CDC14A: variants seen among roughly 807,000 people sequenced by gnomAD.
CDC14A encodes the protein cell division cycle 14A.
Under a neutral mutation model 74.4 loss-of-function variants are expected in CDC14A, and 53 were observed. That is an observed-to-expected ratio of 0.71 (90% CI 0.57 to 0.89). CDC14A has a LOEUF of 0.89. CDC14A is among the 40% of genes least tolerant of loss of function. The pLI, the probability that CDC14A is intolerant of heterozygous loss-of-function variation, is 0.00. For missense variants in CDC14A, 646 were observed against 713.7 expected, an observed-to-expected ratio of 0.91 and a Z score of 1.08; for synonymous variants, 247 against 258.4, an observed-to-expected ratio of 0.96 and a Z score of 0.43.
At chr1:100,472,661 C>T (rs1194313111) in intron 10 of CDC14A, among the ~76,000 whole-genome samples, 2 of 150,134 alleles carry the variant, frequency 1.3e-5, no homozygotes, top group Non-Finnish European at 2.9e-5. Context: ...AATGATTTCT[C>T]ATATTTTTTT....
At chr1:100,350,653 T>C (rs1324080893), upstream of CDC14A, among the ~76,000 whole-genome samples, 1 of 151,536 alleles carries the variant, frequency 6.6e-6, no homozygotes, top group Non-Finnish European at 1.5e-5. Context: ...CTATTTACTT[T>C]GTGCAATTAA....
upstream of CDC14A, among the ~76,000 whole-genome samples, chr1:100,352,226 A>G (rs1339673303): frequency 1.3e-5 from 2 of 152,174 alleles, no homozygotes; most frequent in African/African-American, 4.8e-5. Context: ...TCTGGCCTAC[A>G]GGCCCCGCCC....
intron 10 of CDC14A, among the ~76,000 whole-genome samples, chr1:100,470,808 G>A (rs958629001): frequency 2.0e-5 from 3 of 152,096 alleles, no homozygotes; most frequent in Non-Finnish European, 4.4e-5. Flanking sequence ...CAAAATGCTG[G>A]CAAAGATATG....
intron 4 of CDC14A, among the ~76,000 whole-genome samples, chr1:100,420,666 T>A (rs1662256017): frequency 6.6e-6 from 1 of 152,142 alleles, no homozygotes. Flanking sequence ...TCAAATTGAT[T>A]TAAGTCAAAA....
intron 4 of CDC14A, among the ~76,000 whole-genome samples, chr1:100,415,382 A>G (rs576534485): frequency 6.6e-5 from 10 of 152,356 alleles, no homozygotes; most frequent in Admixed American, 2.6e-4. Flanking sequence ...AACAAAAAAC[A>G]TACTCATTTC....
intron 8 of CDC14A, among the ~76,000 whole-genome samples, chr1:100,457,773 T>C (rs1666872703): frequency 6.6e-6 from 1 of 152,078 alleles, no homozygotes; most frequent in Admixed American, 6.6e-5. Flanking sequence ...TGTTAATTTA[T>C]TTTTGGATGA....
At chr1:100,483,182 G>C (rs1309398373) in intron 10 of CDC14A, among the ~76,000 whole-genome samples, 1 of 152,006 alleles carries the variant, frequency 6.6e-6, no homozygotes, top group Non-Finnish European at 1.5e-5. Flanking sequence ...TTTCCACAAT[G>C]GTTGAACTAA....
intron 5 of CDC14A, among the ~76,000 whole-genome samples, chr1:100,436,651 C>A (rs1664379152): frequency 6.6e-6 from 1 of 152,088 alleles, no homozygotes; most frequent in African/African-American, 2.4e-5. Flanking sequence ...GTCTTGAACT[C>A]CTTACCTCAG....
intron 10 of CDC14A, among the ~76,000 whole-genome samples, chr1:100,469,100 T>C (rs1261301156): frequency 2.0e-5 from 3 of 152,108 alleles, no homozygotes; most frequent in Non-Finnish European, 4.4e-5. Flanking sequence ...CATATAATTA[T>C]TTATTTCCAA....
intron 5 of CDC14A, among the ~76,000 whole-genome samples, chr1:100,429,190 C>T (rs759645758): frequency 8.4e-4 from 30 of 35,712 alleles, no homozygotes; most frequent in Non-Finnish European, 9.5e-4. Context: ...GGCAACAGAA[C>T]AAGACTCCAT....
At chr1:100,498,902 C>T (rs753842231) in intron 14 of CDC14A, 27 bp from the exon 15 acceptor site, 5 of 1,582,864 alleles carry the variant, frequency 3.2e-6, no homozygotes, top group Admixed American at 1.8e-5. Flanking sequence ...TCTGTTTTTT[C>T]CCTCCTCACT....
intron 2 of CDC14A, among the ~76,000 whole-genome samples, chr1:100,360,108 A>AT (rs35028152): frequency 0.14 from 17,671 of 123,638 alleles, 1,511 homozygotes; most frequent in Non-Finnish European, 0.19. Context: ...ACACCCAGCT[A>AT]TTTTTTTTTT....
intron 4 of CDC14A, among the ~76,000 whole-genome samples, chr1:100,418,342 A>G (rs1397390937): frequency 6.6e-6 from 1 of 152,218 alleles, no homozygotes; most frequent in Non-Finnish European, 1.5e-5. Context: ...GTCTAATGAA[A>G]TATAGGTCTA....
At position 100,353,854 on chromosome 1, in the gene CDC14A, T is replaced by C; in HGVS notation, c.140+2T>C. On this transcript the variant is annotated splice_donor_variant, in intron 2 of 15. Coordinates refer to ENST00000336454, the MANE Select transcript of CDC14A (RefSeq NM_003672.4). LOFTEE classifies it high-confidence loss of function. ...CGATGAGGAGCTGGTCTATGAAAAGTAAGTTTATGTTTTGTTTTTTTTTCT... is the reference window on the plus strand; with the variant it reads ...CGATGAGGAGCTGGTCTATGAAAAGCAAGTTTATGTTTTGTTTTTTTTTCT... 1 of 1,579,044 alleles carries C rather than the reference T, an allele frequency of 6.3e-7. No homozygotes were observed.
rs1650451291 is a variant in CDC14A, at chr1:100,518,907, A to G, written c.*627A>G. 6.6e-6 allele frequency: 1 copy of G among 152,306 alleles called. No individual in the cohort carries two copies. The allele number at this position is 152,306 out of a possible 1,614,324, so 9.4% of individuals were successfully genotyped here. ...AGTTACACTGAGTTTATCCAAGTTT[A>G]TCTCTACCAAGAGTATAATGGCATG... On this transcript the variant is annotated 3_prime_UTR_variant, in exon 16 of 16. Transcript: ENST00000336454.
At chr1:100,434,153 GTT>G (rs1461316619) in intron 5 of CDC14A, among the ~76,000 whole-genome samples, 4 of 152,176 alleles carry the variant, frequency 2.6e-5, no homozygotes, top group Non-Finnish European at 4.4e-5. Flanking sequence ...TATGGTCATA[GTT>G]GTGGATTTTT....
intron 4 of CDC14A, among the ~76,000 whole-genome samples, chr1:100,420,063 C>CATATATATATATATATAT (rs1553180578): frequency 0.022 from 1,367 of 61,320 alleles, 41 homozygotes; most frequent in Middle Eastern, 0.038. Flanking sequence ...CACACACACA[C>CATATATATATATATATAT]ATATATATAT....
intron 4 of CDC14A, among the ~76,000 whole-genome samples, chr1:100,412,710 A>ATATATATATATTTTATATATATATATTT (rs1553178942): frequency 8.8e-4 from 84 of 95,970 alleles, no homozygotes; most frequent in Non-Finnish European, 1.1e-3. Flanking sequence ...ATATATATAT[A>ATATATATATATTTTATATATATATATTT]TATATATATA....
intron 5 of CDC14A, among the ~76,000 whole-genome samples, chr1:100,438,641 A>G (rs1353236941): frequency 6.6e-6 from 1 of 152,232 alleles, no homozygotes; most frequent in Non-Finnish European, 1.5e-5. Context: ...TGAGACATAA[A>G]TATTTGGAAT....
Sources: allele counts gnomAD v4.1 joint callset (sites outside exome capture counted in the v4.1 genomes callset), GRCh38; gene constraint gnomAD v4.1.1; transcripts MANE v1.5; gene names NCBI Gene and HGNC (gene_info 2026-07-23, HGNC 2026-07-21).